The following ZNF280D variants were observed in gnomAD, a reference collection of about 807,000 sequenced individuals.
ZNF280D encodes suppressor of hairy wing homolog 4.
Under a neutral mutation model 94.7 loss-of-function variants are expected in ZNF280D, and 39 were observed. That is an observed-to-expected ratio of 0.41 (90% CI 0.32 to 0.54). The LOEUF is 0.54. ZNF280D is among the 20% of genes least tolerant of loss of function. The probability of loss-of-function intolerance (pLI) is 0.22; values close to 1 mark genes in which losing one functional copy is unlikely to be tolerated. For synonymous variants in ZNF280D, 398 were observed against 377.6 expected (o/e 1.05, Z -0.63); for missense variants, 1,090 against 1,149.3 (o/e 0.95, Z 0.75).
chr15:56,645,855 C>A (rs1199054558), intron 19 of ZNF280D, among the ~76,000 whole-genome samples: 1 of 152,068 alleles, frequency 6.6e-6, no homozygotes, highest in African/African-American at 2.4e-5. Context: ...CCAATCCATA[C>A]AAAATTTAAC....
In ZNF280D at chr15:56,631,475, A is replaced by G; in HGVS notation, c.*23T>C. Reference sequence around the variant, plus strand: ...TTCCAAATGCCCTTATCGTTGGTACACTGAAACTTAAAATGACTAATTTCA... The same window carrying G: ...TTCCAAATGCCCTTATCGTTGGTACGCTGAAACTTAAAATGACTAATTTCA... On this transcript the variant is annotated 3_prime_UTR_variant, in exon 22 of 22. Coordinates refer to ENST00000267807, the MANE Select transcript of ZNF280D (RefSeq NM_017661.4). 6.2e-7 allele frequency: 1 copy of G among 1,606,660 alleles called. No individual in the cohort carries two copies. The highest frequency in any genetic ancestry group is 8.5e-7 in the Non-Finnish European group (1 of 1,174,940).
chr15:56,717,741 G>A (rs1220756335), intron 1 of ZNF280D, among the ~76,000 whole-genome samples: 7 of 151,868 alleles, frequency 4.6e-5, no homozygotes, highest in African/African-American at 1.5e-4. Context: ...TAAGTATCTC[G>A]CCCAAAGTAA....
Position 56,668,806 on chromosome 15 carries a change from A to G in ZNF280D, c.1545+17T>C, listed in dbSNP as rs761320418. The G allele has an allele frequency of 1.1e-4, 174 of 1,579,066 alleles. No individual in the cohort carries two copies. Among genetic ancestry groups the G allele is most frequent in the Non-Finnish European group, 1.5e-4 (170 of 1,165,470 alleles). On this transcript the variant is annotated intron_variant, in intron 14 of 21. Transcript: ENST00000267807. ...ATTATCATACAAAATGTTAAAATAC[A>G]ATATATTTTAACTCACTTTTGTTCC...
chr15:56,669,044 G>A (rs2054496138), intron 13 of ZNF280D, 87 bp from the exon 14 acceptor site: 1 of 1,253,102 alleles, frequency 8.0e-7, no homozygotes, highest in Non-Finnish European at 1.1e-6. Flanking sequence ...TAATTTTAAT[G>A]ATACCTAAAT....
At position 56,689,391 on chromosome 15, in the gene ZNF280D, G is replaced by A. The variant is rs776910444; in HGVS notation, c.579C>T (p.Pro193=). 3 of 1,609,566 alleles carry A rather than the reference G, an allele frequency of 1.9e-6. No homozygotes were observed. In the South Asian group the frequency reaches 3.3e-5, roughly 18 times the overall value. The change falls in exon 8 of 22, where the codon CCC becomes CCT. Residue 193 remains proline (P), a synonymous_variant. Coordinates refer to ENST00000267807, the MANE Select transcript of ZNF280D (RefSeq NM_017661.4). ...AATTTGCTCCAGAAACACTTTCGCTGGGTTTAGGCTTCTTTGGATTAACAT... is the reference window on the plus strand; with the variant it reads ...AATTTGCTCCAGAAACACTTTCGCTAGGTTTAGGCTTCTTTGGATTAACAT... ...VNNVNPKKPK[P]SESVSGANSS...
rs1398327777 is a variant in ZNF280D at position 56,692,528 on chromosome 15, ACAAT to A, written c.499+566_499+569del. ...TTAATGAAGAACTTTGTTACAGTATACAATCAAAGAACTTTAAATGTTCCTCAAC... is the reference window on the plus strand; with the variant it reads ...TTAATGAAGAACTTTGTTACAGTATACAAAGAACTTTAAATGTTCCTCAAC... On this transcript the variant is annotated intron_variant, in intron 7 of 21. Transcript: ENST00000267807. 3.3e-5 allele frequency among the ~76,000 whole-genome samples: 5 copies of A among 152,112 alleles called. No individual in the cohort carries two copies. In the East Asian group the frequency reaches 5.8e-4, roughly 18 times the overall value.
chr15:56,694,506 A>G lies in ZNF280D; in HGVS notation c.382-1291T>C, dbSNP rs568842751. The stretch of plus-strand genomic sequence containing the variant: ...ATCACTTTAGGAAAAATATGGGCAA[A>G]GGACATAAACTGAGAGAATTCAGAA... On this transcript the variant is annotated intron_variant, in intron 6 of 21. Transcript: ENST00000267807. Among the ~76,000 whole-genome samples the G allele has an allele frequency of 2.6e-5, 4 of 152,320 alleles. No individual in the cohort carries two copies. The South Asian group carries it at 8.3e-4, about 32-fold the overall frequency.
In ZNF280D at chr15:56,733,441, G is replaced by A. The variant is rs1023233842; in HGVS notation, c.-86+17C>T. The A allele has an allele frequency of 1.9e-6, 2 of 1,059,600 alleles. No homozygotes were observed. The highest frequency in any genetic ancestry group is 2.3e-6 in the Non-Finnish European group (2 of 872,506). 65.6% of individuals were successfully genotyped at this position (1,059,600 alleles called of 1,614,324 possible). On this transcript the variant is annotated intron_variant, in intron 1 of 21. Transcript: ENST00000267807. The stretch of plus-strand genomic sequence containing the variant: ...CCTGCTGCAGCGCAGGGCGGGCGGG[G>A]GCGGGGGGGCGCTTACCGTGAGCGG...
At chr15:56,662,971 G>C (rs1042525551) in intron 16 of ZNF280D, among the ~76,000 whole-genome samples, 5 of 151,704 alleles carry the variant, frequency 3.3e-5, no homozygotes, top group African/African-American at 1.2e-4. Flanking sequence ...AAGGAATACC[G>C]AATAGTCACT....
At chr15:56,690,264 C>T (rs552363298) in intron 7 of ZNF280D, among the ~76,000 whole-genome samples, 1 of 152,174 alleles carries the variant, frequency 6.6e-6, no homozygotes, top group South Asian at 2.1e-4. Flanking sequence ...CACCTGTAGT[C>T]CCAGCTACTC....
intron 1 of ZNF280D, chr15:56,732,723 T>A (rs2058957492): frequency 6.6e-6 from 1 of 152,164 alleles, no homozygotes. Context: ...TTAAAAGCGT[T>A]AAAACTTGCG....
Position 56,659,175 on chromosome 15 carries a change from TAAAA to T in ZNF280D, c.1995-693_1995-690del, listed in dbSNP as rs35057161. 2.7e-3 allele frequency among the ~76,000 whole-genome samples: 256 copies of T among 93,224 alleles called. 5 individuals carry two copies. The highest frequency in any genetic ancestry group is 2.3e-3 in the African/African-American group (55 of 24,252). 61.2% of individuals were successfully genotyped at this position (93,224 alleles called of 152,430 possible). ...GGCTTTCTAGTAGAGTGTTTTTTAT[TAAAA>T]AAAAAAAAAAAAAAAAAAAGGAACT... On this transcript the variant is annotated intron_variant, in intron 16 of 21. Coordinates refer to ENST00000267807, the MANE Select transcript of ZNF280D (RefSeq NM_017661.4).
intron 9 of ZNF280D, among the ~76,000 whole-genome samples, chr15:56,688,497 A>G (rs1307770059): frequency 1.3e-5 from 2 of 151,914 alleles, no homozygotes; most frequent in East Asian, 3.9e-4. Flanking sequence ...CTCAAAAAAA[A>G]AAAAAAAAAA....
At chr15:56,724,612 A>C (rs1480071619) in intron 1 of ZNF280D, among the ~76,000 whole-genome samples, 4 of 152,252 alleles carry the variant, frequency 2.6e-5, no homozygotes, top group African/African-American at 7.2e-5. Flanking sequence ...AATGAATAAA[A>C]TGAACTTTTT....
At chr15:56,729,373 T>C (rs1164228319) in intron 1 of ZNF280D, among the ~76,000 whole-genome samples, 1 of 152,160 alleles carries the variant, frequency 6.6e-6, no homozygotes, top group Non-Finnish European at 1.5e-5. Context: ...TTTTCACAAA[T>C]GGAAAAGCAA....
At chr15:56,657,148 TAAAC>T (rs67299806) in intron 17 of ZNF280D, among the ~76,000 whole-genome samples, 24,292 of 151,922 alleles carry the variant, frequency 0.16, 1,991 homozygotes, top group Admixed American at 0.19. Context: ...CAACATAAAA[TAAAC>T]AAAGAAAGTT....
chr15:56,643,693 A>G (rs1475802034), intron 19 of ZNF280D, among the ~76,000 whole-genome samples: 1 of 151,914 alleles, frequency 6.6e-6, no homozygotes, highest in East Asian at 1.9e-4. Context: ...TTTGTTTTAG[A>G]AGCTGCAGAA....
At chr15:56,643,099 C>T (rs1227085221) in intron 19 of ZNF280D, 102 bp from the exon 20 acceptor site, 3 of 705,782 alleles carry the variant, frequency 4.3e-6, no homozygotes, top group East Asian at 6.7e-5. Flanking sequence ...AAATGTAGAT[C>T]GAAACTAATG....
chr15:56,665,866 T>C (rs980964163), intron 16 of ZNF280D, among the ~76,000 whole-genome samples: 1 of 152,188 alleles, frequency 6.6e-6, no homozygotes, highest in Non-Finnish European at 1.5e-5. Flanking sequence ...CCGGGTGCAA[T>C]GGCTCATGCC....
Sources: allele counts gnomAD v4.1 joint callset (sites outside exome capture counted in the v4.1 genomes callset), GRCh38; gene constraint gnomAD v4.1.1; transcripts MANE v1.5; gene names NCBI Gene and HGNC (gene_info 2026-07-23, HGNC 2026-07-21).